The following RUFY1 variants were observed in gnomAD, a reference collection of about 807,000 sequenced individuals.
The protein encoded by RUFY1 is RUN and FYVE domain containing 1.
In RUFY1, 54 loss-of-function variants were observed where a neutral mutation model predicts 94.6. That is an observed-to-expected ratio of 0.57 (90% CI 0.46 to 0.72). The LOEUF (loss-of-function observed/expected upper bound fraction) is 0.72, where lower values mean the gene tolerates loss of function less well. RUFY1 is among the 30% of genes least tolerant of loss of function. The pLI is 0.00. For missense variants in RUFY1, 883 were observed against 883.9 expected, an observed-to-expected ratio of 1.00 and a Z score of 0.01; for synonymous variants, 396 against 347.3, an observed-to-expected ratio of 1.14 and a Z score of -1.56.
At chr5:179,559,879 G>A in intron 1 of RUFY1, 146 bp from the exon 2 acceptor site, 1 of 1,425,760 alleles carries the variant, frequency 7.0e-7, no homozygotes, top group Non-Finnish European at 9.2e-7. Context: ...ACTTACCTGC[G>A]AATCCCGGTT....
In RUFY1 at chr5:179,609,623, C is replaced by A; in HGVS notation, c.*104C>A. ...TCCCAAGAGTATCAAAGGAAAGAAT[C>A]AAATTTCTTGCCCGGTCACTGGCAC... On this transcript the variant is annotated 3_prime_UTR_variant, in exon 18 of 18. Transcript: ENST00000319449. The A allele has an allele frequency of 1.6e-6, 2 of 1,220,900 alleles. No homozygotes were observed. The highest frequency in any genetic ancestry group is 3.3e-5 in the South Asian group (2 of 61,046). The allele number at this position is 1,220,900 out of a possible 1,614,324, so 75.6% of individuals were successfully genotyped here.
intron 1 of RUFY1, among the ~76,000 whole-genome samples, chr5:179,551,127 G>A (rs908179560): frequency 6.6e-6 from 1 of 152,208 alleles, no homozygotes; most frequent in Non-Finnish European, 1.5e-5. Flanking sequence ...CCACTAACTA[G>A]GTGAAGGACG....
intron 7 of RUFY1, among the ~76,000 whole-genome samples, chr5:179,584,253 T>C (rs1194824091): frequency 6.6e-6 from 1 of 152,182 alleles, no homozygotes; most frequent in Non-Finnish European, 1.5e-5. Flanking sequence ...TTTATTTCTT[T>C]GTCCCCCACT....
intron 1 of RUFY1, chr5:179,555,802 G>GA (rs1299777158): frequency 6.3e-5 from 14 of 220,898 alleles, no homozygotes; most frequent in African/African-American, 3.8e-4. Flanking sequence ...TAATTTTTTG[G>GA]ATTTTTTTTT....
At chr5:179,552,020 C>T (rs180944927) in intron 1 of RUFY1, among the ~76,000 whole-genome samples, 26 of 151,498 alleles carry the variant, frequency 1.7e-4, no homozygotes, top group African/African-American at 5.6e-4. Context: ...AAAAAATTAG[C>T]TGGGTGTGTT....
rs147829790 is a variant in RUFY1, at chr5:179,578,024, C to A, written c.890+888C>A. Among the ~76,000 whole-genome samples the A allele has an allele frequency of 2.0e-3, 300 of 152,160 alleles. 4 individuals are homozygous for A. The highest frequency in any genetic ancestry group is 6.8e-3 in the African/African-American group (282 of 41,510). The stretch of plus-strand genomic sequence containing the variant: ...AATAGAGTGTACAGGTGAAATTTCC[C>A]CATTCACACTGTCCCCTTGCCTCCA... On this transcript the variant is annotated intron_variant, in intron 6 of 17. Coordinates refer to ENST00000319449, the MANE Select transcript of RUFY1 (RefSeq NM_025158.5).
Position 179,598,815 on chromosome 5 carries a change from G to A in RUFY1, c.1755G>A (p.Leu585=), listed in dbSNP as rs764099921. The change falls in exon 14 of 18, where the codon CTG becomes CTA. Residue 585 remains leucine (L), a synonymous_variant. Transcript: ENST00000319449. ...TGGAGCTGCAACAAGTGGAAGGACT[G>A]AAAAAGGTGAGGTGGGCCATCCCGG... ...LRMELQQVEG[L]KKELRELQDE... 1 of 1,614,020 alleles carries A rather than the reference G, an allele frequency of 6.2e-7. No homozygotes were observed. Among genetic ancestry groups the A allele is most frequent in the South Asian group, 1.1e-5 (1 of 91,076 alleles).
chr5:179,569,713 GCCATTGGT>G (rs1763080032), intron 5 of RUFY1, among the ~76,000 whole-genome samples: 2 of 152,036 alleles, frequency 1.3e-5, no homozygotes, highest in African/African-American at 4.8e-5. Context: ...TGATAGTTAG[GCCATTGGT>G]GCTATGCTGA....
chr5:179,606,420 C>T, intron 16 of RUFY1: 1 of 163,484 alleles, frequency 6.1e-6, no homozygotes, highest in Non-Finnish European at 1.3e-5. Flanking sequence ...TTGCAGGTGG[C>T]CCGGTGTGGG....
chr5:179,595,396 G>A (rs1420736935), intron 12 of RUFY1, among the ~76,000 whole-genome samples: 1 of 152,118 alleles, frequency 6.6e-6, no homozygotes, highest in Non-Finnish European at 1.5e-5. Flanking sequence ...CAAAAGACTT[G>A]AAACAGATAC....
chr5:179,595,550 C>G, intron 12 of RUFY1, among the ~76,000 whole-genome samples: 1 of 147,024 alleles, frequency 6.8e-6, no homozygotes, highest in Admixed American at 6.8e-5. Flanking sequence ...TTTGTTTGTT[C>G]TTGTTTTTTT....
rs1225620374 is a variant in RUFY1, at chr5:179,587,387, T to TTC, written c.1026+1523_1026+1524insCT. Reference sequence around the variant, plus strand: ...GTTTTCTTTTTTCTTTCTTTCTTTTTTTTTTTTTTTTGAGACAGAGTCTTG... The same window carrying TTC: ...GTTTTCTTTTTTCTTTCTTTCTTTTTTCTTTTTTTTTTTGAGACAGAGTCTTG... On this transcript the variant is annotated intron_variant, in intron 8 of 17. Transcript: ENST00000319449. 1.6e-3 allele frequency among the ~76,000 whole-genome samples: 234 copies of TTC among 146,916 alleles called. 1 individual carries two copies. The highest frequency in any genetic ancestry group is 5.5e-3 in the African/African-American group (218 of 39,742).
At chr5:179,602,296 C>T (rs1479474584) in intron 15 of RUFY1, 7 of 306,882 alleles carry the variant, frequency 2.3e-5, no homozygotes, top group South Asian at 5.3e-5. Context: ...ATGAGAGGAT[C>T]GCTTGGTCAG....
At chr5:179,593,813 T>C (rs1385106624) in intron 11 of RUFY1, among the ~76,000 whole-genome samples, 168 bp downstream of exon 11, 1 of 152,064 alleles carries the variant, frequency 6.6e-6, no homozygotes, top group African/African-American at 2.4e-5. Flanking sequence ...CCCTGAGAAA[T>C]GGGGGGAAAT....
chr5:179,593,780 A>T (rs1170843646), intron 11 of RUFY1, 135 bp downstream of exon 11: 1 of 1,351,712 alleles, frequency 7.4e-7, no homozygotes, highest in African/African-American at 1.5e-5. Flanking sequence ...AGGACCTATT[A>T]TGATTTTGAT....
At chr5:179,576,749 TTTATTA>T (rs746049614) in intron 5 of RUFY1, among the ~76,000 whole-genome samples, 8 of 152,256 alleles carry the variant, frequency 5.3e-5, no homozygotes, top group South Asian at 4.1e-4. Flanking sequence ...TCCAGAACTT[TTTATTA>T]TTATTATTAA....
Position 179,591,799 on chromosome 5 carries a change from C to T in RUFY1, c.1245+58C>T, listed in dbSNP as rs1765130678. 3.3e-5 allele frequency: 32 copies of T among 970,304 alleles called. No individual in the cohort carries two copies. In the South Asian group the frequency reaches 5.0e-4, roughly 15 times the overall value. The allele number at this position is 970,304 out of a possible 1,614,324, so 60.1% of individuals were successfully genotyped here. ...AGTTTCCCCGTAGTGTTAATTCTGTCAACACTTTTCATAGACATGCTTCAC... is the reference window on the plus strand; with the variant it reads ...AGTTTCCCCGTAGTGTTAATTCTGTTAACACTTTTCATAGACATGCTTCAC... On this transcript the variant is annotated intron_variant, in intron 10 of 17. Transcript: ENST00000319449.
At chr5:179,559,812 CT>C (rs1561959608) in intron 1 of RUFY1, 5 of 1,322,902 alleles carry the variant, frequency 3.8e-6, no homozygotes, top group Non-Finnish European at 4.8e-6. Flanking sequence ...AGTGGCTCTT[CT>C]GACCCAAGGC....
chr5:179,572,302 C>T, intron 5 of RUFY1: 1 of 202,592 alleles, frequency 4.9e-6, no homozygotes, highest in South Asian at 6.6e-5. Flanking sequence ...CTTCACTTTT[C>T]TGTGGCCCAT....
Sources: gnomAD v4.1 joint callset for allele counts (sites outside exome capture counted in the v4.1 genomes callset) on GRCh38, gnomAD v4.1.1 for gene constraint, MANE v1.5 for transcripts, NCBI Gene and HGNC (gene_info 2026-07-23, HGNC 2026-07-21) for gene names.